The following OSBPL9 variants were observed in gnomAD, a reference collection of about 807,000 sequenced individuals.
OSBPL9 encodes oxysterol-binding protein-related protein 9.
OSBPL9 carries 40 observed loss-of-function variants against 106.6 expected under a neutral mutation model. The observed-to-expected ratio is 0.38, with a 90% CI of 0.29 to 0.49. OSBPL9 has a LOEUF of 0.49. Among genes scored for constraint, OSBPL9 ranks in the 20% least tolerant of loss-of-function variants. The pLI is 0.97. For synonymous variants in OSBPL9, 269 were observed against 295.4 expected (o/e 0.91, Z 0.92); for missense variants, 609 against 887.2 (o/e 0.69, Z 3.98).
chr1:51,566,839 T>C, the OSBPL9 span, among the ~76,000 whole-genome samples: 9 of 152,318 alleles, frequency 5.9e-5, no homozygotes, highest in Admixed American at 3.9e-4. Flanking sequence ...AGGTGTCATA[T>C]ATGATTTGTC....
intron 16 of OSBPL9, chr1:51,781,620 A>T: frequency 3.7e-6 from 1 of 268,346 alleles, no homozygotes; most frequent in South Asian, 7.6e-5. Flanking sequence ...GATCAATAGA[A>T]TGATTTTGTG....
intron 12 of OSBPL9, among the ~76,000 whole-genome samples, chr1:51,770,681 C>A (rs1165383189): frequency 6.6e-6 from 1 of 152,138 alleles, no homozygotes; most frequent in Non-Finnish European, 1.5e-5. Context: ...AGTTATAATA[C>A]CTTGTGATAT....
chr1:51,596,178 G>A (rs1645298302), intron 1 of OSBPL9, among the ~76,000 whole-genome samples: 1 of 149,752 alleles, frequency 6.7e-6, no homozygotes, highest in African/African-American at 2.5e-5. Context: ...AGAATTTCTT[G>A]AGCCTGGGAG....
chr1:51,557,754 T>A, the OSBPL9 span, among the ~76,000 whole-genome samples: 1 of 152,202 alleles, frequency 6.6e-6, no homozygotes, highest in Admixed American at 6.6e-5. Context: ...CAACGGTAAG[T>A]CCTACCCTCT....
chr1:51,697,335 C>A (rs1017930166), intron 3 of OSBPL9, among the ~76,000 whole-genome samples: 2 of 151,866 alleles, frequency 1.3e-5, no homozygotes, highest in Non-Finnish European at 2.9e-5. Flanking sequence ...CATATTGGGG[C>A]TCAGTAGCTA....
the OSBPL9 span, among the ~76,000 whole-genome samples, chr1:51,551,967 A>ATGTGTGTGTGTGTGTGTG: frequency 0.025 from 3,591 of 145,120 alleles, 93 homozygotes; most frequent in African/African-American, 0.058. Flanking sequence ...GTGAATAGAA[A>ATGTGTGTGTGTGTGTGTG]TGTGTGTGTG....
At chr1:51,570,499 C>G in the OSBPL9 span, among the ~76,000 whole-genome samples, 8 of 152,178 alleles carry the variant, frequency 5.3e-5, no homozygotes, top group African/African-American at 1.9e-4. Flanking sequence ...AGTCTAACCA[C>G]ATTACTTTAT....
the OSBPL9 span, chr1:51,569,481 TCAA>T: frequency 2.0e-5 from 3 of 152,202 alleles, no homozygotes; most frequent in African/African-American, 7.2e-5. Flanking sequence ...CTGAGCGTTT[TCAA>T]CAACTACAGT....
At chr1:51,639,223 A>G (rs1277496244) in intron 1 of OSBPL9, among the ~76,000 whole-genome samples, 2 of 152,064 alleles carry the variant, frequency 1.3e-5, no homozygotes, top group African/African-American at 4.8e-5. Context: ...TGTCTGTCCC[A>G]TGCCCTAGAA....
At chr1:51,660,076 T>TA (rs1285691568) in intron 2 of OSBPL9, among the ~76,000 whole-genome samples, 1 of 152,134 alleles carries the variant, frequency 6.6e-6, no homozygotes, top group African/African-American at 2.4e-5. Context: ...GATAGAGCGT[T>TA]ACAAATCAGA....
intron 2 of OSBPL9, among the ~76,000 whole-genome samples, chr1:51,658,361 A>G (rs767796472): frequency 4.6e-5 from 7 of 152,020 alleles, no homozygotes; most frequent in Non-Finnish European, 8.8e-5. Context: ...GATCTAAATG[A>G]ATGGTAGTTT....
intron 2 of OSBPL9, among the ~76,000 whole-genome samples, chr1:51,608,688 GC>G (rs1233877545): frequency 1.3e-5 from 2 of 150,504 alleles, no homozygotes; most frequent in Non-Finnish European, 3.0e-5. Context: ...GGGGGGGGGG[GC>G]TTTCCTGCCC....
chr1:51,539,282 A>G, the OSBPL9 span, among the ~76,000 whole-genome samples: 2 of 152,348 alleles, frequency 1.3e-5, no homozygotes, highest in East Asian at 3.9e-4. Context: ...TACTCTAGCC[A>G]GAAACTTAGA....
chr1:51,627,723 G>GTT (rs60018130), intron 1 of OSBPL9, among the ~76,000 whole-genome samples: 15 of 147,716 alleles, frequency 1.0e-4, no homozygotes, highest in South Asian at 6.4e-4. Flanking sequence ...TCCTAATTCT[G>GTT]TTTTTTTTTT....
At chr1:51,601,152 C>T (rs1488838549) in intron 2 of OSBPL9, among the ~76,000 whole-genome samples, 6 of 152,190 alleles carry the variant, frequency 3.9e-5, no homozygotes, top group Middle Eastern at 3.2e-3. Flanking sequence ...TTTACATATG[C>T]AGGGAGTTGT....
At chr1:51,570,896 A>C in the OSBPL9 span, among the ~76,000 whole-genome samples, 1 of 151,906 alleles carries the variant, frequency 6.6e-6, no homozygotes. Context: ...ATCTCGGCTC[A>C]CTGCAACCTC....
chr1:51,693,777 G>A (rs193181959), intron 3 of OSBPL9, among the ~76,000 whole-genome samples: 9 of 152,286 alleles, frequency 5.9e-5, no homozygotes, highest in African/African-American at 2.2e-4. Flanking sequence ...TATACCATCT[G>A]ACTACTCAGC....
At chr1:51,686,411 C>T (rs1327535129) in intron 3 of OSBPL9, among the ~76,000 whole-genome samples, 1 of 152,160 alleles carries the variant, frequency 6.6e-6, no homozygotes, top group Admixed American at 6.5e-5. Context: ...CTTGGCTATA[C>T]TCATGTCTGT....
At chr1:51,592,090 G>C (rs1645278604) in intron 1 of OSBPL9, among the ~76,000 whole-genome samples, 1 of 143,598 alleles carries the variant, frequency 7.0e-6, no homozygotes, top group Non-Finnish European at 1.5e-5. Flanking sequence ...TGACCTCAAC[G>C]ATTACTTGTT....
Sources: gnomAD v4.1 joint callset for allele counts (sites outside exome capture counted in the v4.1 genomes callset) on GRCh38, gnomAD v4.1.1 for gene constraint, MANE v1.5 for transcripts, NCBI Gene and HGNC (gene_info 2026-07-23, HGNC 2026-07-21) for gene names.